The following ATP6V0A1 variants were observed in gnomAD, a reference collection of about 807,000 sequenced individuals.
The protein encoded by ATP6V0A1 is ATPase H+ transporting V0 subunit a1.
A neutral mutation model predicts 105.4 loss-of-function variants in ATP6V0A1; 43 were observed. The observed-to-expected ratio is 0.41, with a 90% CI of 0.32 to 0.53. The LOEUF (loss-of-function observed/expected upper bound fraction) is 0.53, where lower values mean the gene tolerates loss of function less well. ATP6V0A1 is among the 20% of genes least tolerant of loss of function. ATP6V0A1 has a pLI of 0.30. For missense variants in ATP6V0A1, 676 were observed against 1,051.1 expected (o/e 0.64, Z 4.93); for synonymous variants, 362 against 372.8 (o/e 0.97, Z 0.33).
intron 2 of ATP6V0A1, among the ~76,000 whole-genome samples, chr17:42,463,900 C>T (rs1436140339): frequency 1.3e-5 from 2 of 152,092 alleles, no homozygotes; most frequent in Non-Finnish European, 2.9e-5. Flanking sequence ...AAAGAAAATA[C>T]TGTTAAGAAA....
At chr17:42,459,102 C>T (rs1269890481) in intron 1 of ATP6V0A1, 139 bp downstream of exon 1, 1 of 152,282 alleles carries the variant, frequency 6.6e-6, no homozygotes, top group African/African-American at 2.4e-5. Flanking sequence ...TTCGCCCCCT[C>T]CTTGGGCACC....
At chr17:42,491,693 G>C (rs1000887675) in intron 11 of ATP6V0A1, among the ~76,000 whole-genome samples, 2 of 152,074 alleles carry the variant, frequency 1.3e-5, no homozygotes, top group Non-Finnish European at 2.9e-5. Flanking sequence ...ATGTTGCCCA[G>C]GCTGATCTCT....
At chr17:42,506,817 A>G (rs1421487800) in intron 17 of ATP6V0A1, among the ~76,000 whole-genome samples, 1 of 152,214 alleles carries the variant, frequency 6.6e-6, no homozygotes, top group Admixed American at 6.5e-5. Flanking sequence ...TTGTGAACTC[A>G]GAAGAAGCAA....
At chr17:42,461,120 G>A (rs951356409) in intron 2 of ATP6V0A1, 109 bp downstream of exon 2, 10 of 892,710 alleles carry the variant, frequency 1.1e-5, no homozygotes, top group Non-Finnish European at 1.5e-5. Context: ...TAACATTATA[G>A]CACTGACTTC....
intron 5 of ATP6V0A1, chr17:42,471,488 C>T (rs898543662): frequency 6.7e-6 from 1 of 150,276 alleles, no homozygotes; most frequent in Non-Finnish European, 1.5e-5. Flanking sequence ...AATCCCAGTA[C>T]TTTGGGAGGG....
At position 42,460,899 on chromosome 17, in the gene ATP6V0A1, G is replaced by A. The variant is rs1321772023; in HGVS notation, c.5G>A (p.Gly2Glu). The change falls in exon 2 of 22, where the codon GGG (glycine) becomes GAG (glutamate). Residue 2 changes from glycine to glutamate, a missense_variant. Around this residue, in one of 3 missense-constraint regions of ATP6V0A1, gnomAD observed 239 missense variants for 388.4 expected, o/e 0.62. Transcript: ENST00000343619. ...AGACTGGTACCTTCTGCCACCATGG[G>A]GGAGCTTTTCCGGAGTGAAGAAATG... M[G>E]ELFRSEEMTL... 1 of 1,613,590 alleles carries A rather than the reference G, an allele frequency of 6.2e-7. No individual in the cohort carries two copies. Among genetic ancestry groups the A allele is most frequent in the Admixed American group, 1.7e-5 (1 of 59,994 alleles).
At chr17:42,480,491 C>T (rs574166054) in intron 7 of ATP6V0A1, 176 bp from the exon 8 acceptor site, 1 of 534,278 alleles carries the variant, frequency 1.9e-6, no homozygotes, top group African/African-American at 1.9e-5. Context: ...GATTATAGGG[C>T]AGATGTTCTT....
At chr17:42,514,133 C>G in intron 20 of ATP6V0A1, 155 bp downstream of exon 20, 1 of 1,247,958 alleles carries the variant, frequency 8.0e-7, no homozygotes, top group Non-Finnish European at 1.1e-6. Context: ...GGAGGCTCAG[C>G]ACTTGTGCCA....
At chr17:42,508,100 T>C (rs2092137547) in intron 18 of ATP6V0A1, among the ~76,000 whole-genome samples, 3 of 152,208 alleles carry the variant, frequency 2.0e-5, no homozygotes, top group Admixed American at 1.3e-4. Flanking sequence ...TGTTTGAGCT[T>C]TTTTGGTGTC....
At chr17:42,512,563 C>G (rs754409161) in intron 19 of ATP6V0A1, among the ~76,000 whole-genome samples, 18 of 152,126 alleles carry the variant, frequency 1.2e-4, no homozygotes, top group Non-Finnish European at 2.4e-4. Context: ...GAGCCTGTTC[C>G]GGAAGAAAAG....
chr17:42,519,607 T>G (rs1567879226), intron 21 of ATP6V0A1: 1 of 152,234 alleles, frequency 6.6e-6, no homozygotes. Flanking sequence ...CCGCGTTCCC[T>G]CAGAGGTGGT....
At chr17:42,499,101 A>G in intron 15 of ATP6V0A1, 59 bp downstream of exon 15, 1 of 1,222,390 alleles carries the variant, frequency 8.2e-7, no homozygotes. Flanking sequence ...CTTTTGTGTA[A>G]AGAAATCATG....
chr17:42,480,625 A>G (rs902615218), intron 7 of ATP6V0A1, 42 bp from the exon 8 acceptor site: 1 of 1,576,078 alleles, frequency 6.3e-7, no homozygotes, highest in African/African-American at 1.4e-5. Flanking sequence ...TTTCATCCAG[A>G]TACAGAAGTC....
At chr17:42,513,010 C>G (rs1214717260) in intron 19 of ATP6V0A1, among the ~76,000 whole-genome samples, 1 of 152,232 alleles carries the variant, frequency 6.6e-6, no homozygotes, top group African/African-American at 2.4e-5. Flanking sequence ...AGCCCACATT[C>G]ACCCCTGACT....
intron 5 of ATP6V0A1, among the ~76,000 whole-genome samples, chr17:42,474,006 A>AT (rs906194746): frequency 0.011 from 1,457 of 137,846 alleles, 13 homozygotes; most frequent in African/African-American, 0.018. Context: ...TCCCTCTCCT[A>AT]TTTTTTTTTT....
At chr17:42,465,416 G>A (rs2086922410) in intron 2 of ATP6V0A1, among the ~76,000 whole-genome samples, 1 of 151,466 alleles carries the variant, frequency 6.6e-6, no homozygotes, top group South Asian at 2.1e-4. Flanking sequence ...TTGGCCTCCC[G>A]AGTAGCTGGG....
At chr17:42,496,282 C>T (rs566783239) in intron 14 of ATP6V0A1, 2 of 152,156 alleles carry the variant, frequency 1.3e-5, no homozygotes, top group Admixed American at 6.5e-5. Flanking sequence ...TTTCAAGACT[C>T]CTTCCCATTT....
At chr17:42,468,569 A>G (rs2087424812) in intron 4 of ATP6V0A1, among the ~76,000 whole-genome samples, 1 of 152,288 alleles carries the variant, frequency 6.6e-6, no homozygotes, top group East Asian at 1.9e-4. Context: ...TCTGGTATCT[A>G]TCATTCCACT....
At chr17:42,500,303 A>T (rs1347425643) in intron 15 of ATP6V0A1, among the ~76,000 whole-genome samples, 1 of 151,854 alleles carries the variant, frequency 6.6e-6, no homozygotes, top group East Asian at 1.9e-4. Context: ...ACATGGCAAA[A>T]CCCCATCTCT....
Sources: gnomAD v4.1 joint callset for allele counts (sites outside exome capture counted in the v4.1 genomes callset) on GRCh38, gnomAD v4.1.1 for gene constraint, gnomAD v4.1.1 regional missense constraint, MANE v1.5 for transcripts, NCBI Gene and HGNC (gene_info 2026-07-23, HGNC 2026-07-21) for gene names.